TMEM229B: variants seen among roughly 807,000 people sequenced by gnomAD.
The protein encoded by TMEM229B is chromosome 14 open reading frame 83.
Under a neutral mutation model 13.7 loss-of-function variants are expected in TMEM229B, and 6 were observed. That is an observed-to-expected ratio of 0.44 (90% CI 0.24 to 0.86). TMEM229B has a LOEUF of 0.86. Among genes scored for constraint, TMEM229B ranks in the 40% least tolerant of loss-of-function variants. TMEM229B has a pLI of 0.23. For missense variants in TMEM229B, 170 were observed against 236.0 expected, an observed-to-expected ratio of 0.72 and a Z score of 1.83; for synonymous variants, 107 against 102.1, an observed-to-expected ratio of 1.05 and a Z score of -0.29.
intron 1 of TMEM229B, among the ~76,000 whole-genome samples, chr14:67,494,773 C>G (rs1302430133): frequency 6.6e-6 from 1 of 152,192 alleles, no homozygotes; most frequent in Admixed American, 6.5e-5. Context: ...AAGGCTCGCC[C>G]AACATTTGAC....
At chr14:67,509,165 T>C (rs536874225) in intron 1 of TMEM229B, among the ~76,000 whole-genome samples, 6 of 152,300 alleles carry the variant, frequency 3.9e-5, no homozygotes, top group Non-Finnish European at 8.8e-5. Context: ...GCAGAAAGCG[T>C]GTTCCCTTTA....
At chr14:67,504,986 T>C (rs930219325) in intron 1 of TMEM229B, among the ~76,000 whole-genome samples, 3 of 152,232 alleles carry the variant, frequency 2.0e-5, no homozygotes, top group African/African-American at 2.4e-5. Context: ...CCAAGTGCGT[T>C]TGGATATTTT....
chr14:67,475,537 A>G (rs1055816778), intron 2 of TMEM229B, among the ~76,000 whole-genome samples: 1 of 152,204 alleles, frequency 6.6e-6, no homozygotes, highest in Non-Finnish European at 1.5e-5. Context: ...ATTTCTCCAC[A>G]TCCACCCCAA....
intron 2 of TMEM229B, among the ~76,000 whole-genome samples, chr14:67,474,914 C>CTTTTTTTT (rs71129825): frequency 1.6e-5 from 2 of 124,956 alleles, no homozygotes; most frequent in African/African-American, 3.1e-5. Context: ...GAATTTCCTT[C>CTTTTTTTT]TTTTTTTTTT....
intron 1 of TMEM229B, chr14:67,533,545 G>A (rs1289549825): frequency 6.6e-6 from 1 of 152,012 alleles, no homozygotes; most frequent in Non-Finnish European, 1.5e-5. Flanking sequence ...TCCCAGCGGC[G>A]GGGAGCGCTG....
At chr14:67,478,978 A>T (rs1465848165) in intron 2 of TMEM229B, among the ~76,000 whole-genome samples, 1 of 152,264 alleles carries the variant, frequency 6.6e-6, no homozygotes, top group Non-Finnish European at 1.5e-5. Context: ...GCATATGTGC[A>T]CATATACAAA....
chr14:67,485,989 G>A (rs2031853150), intron 2 of TMEM229B, among the ~76,000 whole-genome samples: 1 of 152,226 alleles, frequency 6.6e-6, no homozygotes, highest in South Asian at 2.1e-4. Context: ...CACATGCATT[G>A]CTCATGGCTT....
At chr14:67,508,987 C>T (rs1280454522) in intron 1 of TMEM229B, among the ~76,000 whole-genome samples, 1 of 152,000 alleles carries the variant, frequency 6.6e-6, no homozygotes, top group African/African-American at 2.4e-5. Flanking sequence ...GGCCCAGAAA[C>T]TAGGTTGGAG....
chr14:67,502,456 C>CTTTTT (rs71129827), intron 1 of TMEM229B, among the ~76,000 whole-genome samples: 1 of 137,672 alleles, frequency 7.3e-6, no homozygotes, highest in Non-Finnish European at 1.5e-5. Context: ...AAGGTGATTT[C>CTTTTT]TTTTTTTTTT....
At chr14:67,507,378 C>T (rs2032864813) in intron 1 of TMEM229B, among the ~76,000 whole-genome samples, 1 of 152,104 alleles carries the variant, frequency 6.6e-6, no homozygotes, top group Middle Eastern at 3.4e-3. Context: ...AACAAAAAAA[C>T]ATCAACCAGA....
chr14:67,482,497 T>C (rs1447072031), intron 2 of TMEM229B, among the ~76,000 whole-genome samples: 4 of 152,046 alleles, frequency 2.6e-5, no homozygotes, highest in Non-Finnish European at 5.9e-5. Flanking sequence ...TTCACTCCAC[T>C]CACTTCCCAA....
intron 1 of TMEM229B, among the ~76,000 whole-genome samples, chr14:67,522,384 C>G (rs1486045509): frequency 6.6e-6 from 1 of 152,160 alleles, no homozygotes; most frequent in African/African-American, 2.4e-5. Context: ...CTCTGTGCTT[C>G]CCTTTGCCAG....
At chr14:67,514,828 G>A (rs1231295597) in intron 1 of TMEM229B, among the ~76,000 whole-genome samples, 6 of 152,208 alleles carry the variant, frequency 3.9e-5, no homozygotes, top group African/African-American at 9.6e-5. Context: ...ACGCCCCCCT[G>A]TGCGCCCATC....
intron 1 of TMEM229B, among the ~76,000 whole-genome samples, chr14:67,522,453 G>A (rs2033306164): frequency 1.3e-5 from 2 of 152,304 alleles, no homozygotes; most frequent in Non-Finnish European, 2.9e-5. Context: ...GGCGAGCCTG[G>A]TTATGAGAAG....
chr14:67,505,805 C>G (rs1324983942), intron 1 of TMEM229B, among the ~76,000 whole-genome samples: 2 of 151,776 alleles, frequency 1.3e-5, no homozygotes, highest in Non-Finnish European at 1.5e-5. Flanking sequence ...CTCCAGGGTT[C>G]AAGCAATTCT....
chr14:67,530,760 G>C (rs1380003281), intron 1 of TMEM229B, among the ~76,000 whole-genome samples: 1 of 152,212 alleles, frequency 6.6e-6, no homozygotes, highest in Admixed American at 6.5e-5. Flanking sequence ...GTGAGAGCCA[G>C]AGCAGGCCAA....
chr14:67,479,711 C>A (rs774320658), intron 2 of TMEM229B, among the ~76,000 whole-genome samples: 2 of 152,082 alleles, frequency 1.3e-5, no homozygotes, highest in Non-Finnish European at 2.9e-5. Flanking sequence ...GAGTGAGACT[C>A]CGTCTCAAAA....
intron 2 of TMEM229B, among the ~76,000 whole-genome samples, chr14:67,479,579 A>G (rs1419270978): frequency 6.8e-6 from 1 of 146,960 alleles, no homozygotes; most frequent in East Asian, 2.1e-4. Context: ...TTAGCCGGGC[A>G]TGGTGGCATG....
intron 1 of TMEM229B, among the ~76,000 whole-genome samples, chr14:67,528,710 A>G (rs1472681522): frequency 1.3e-5 from 2 of 152,166 alleles, no homozygotes; most frequent in Non-Finnish European, 2.9e-5. Flanking sequence ...TCTTGCCCGT[A>G]TAACCCGCAG....
Sources: gnomAD v4.1 joint callset for allele counts (sites outside exome capture counted in the v4.1 genomes callset) on GRCh38, gnomAD v4.1.1 for gene constraint, MANE v1.5 for transcripts, NCBI Gene and HGNC (gene_info 2026-07-23, HGNC 2026-07-21) for gene names.